Variants in PCDH15 observed in about 807,000 individuals in gnomAD.
The protein encoded by PCDH15 is protocadherin-15.
Under a neutral mutation model 178.5 loss-of-function variants are expected in PCDH15, and 129 were observed. That is an observed-to-expected ratio of 0.72 (90% CI 0.63 to 0.84). PCDH15 has a LOEUF of 0.84. Ranked by LOEUF, PCDH15 falls within the 40% of genes least tolerant of loss-of-function variation. PCDH15 has a pLI of 0.00. For missense variants in PCDH15, 2,230 were observed against 2,099.9 expected (o/e 1.06, Z -1.21); for synonymous variants, 800 against 732.0 (o/e 1.09, Z -1.50).
chr10:54,787,199 T>C (rs536447958), intron 1 of PCDH15, among the ~76,000 whole-genome samples: 2 of 151,916 alleles, frequency 1.3e-5, no homozygotes, highest in Non-Finnish European at 2.9e-5. Context: ...GACAAATATA[T>C]GCTAAAAGCA....
intron 2 of PCDH15, among the ~76,000 whole-genome samples, chr10:54,584,167 G>C (rs2091278550): frequency 6.6e-6 from 1 of 151,986 alleles, no homozygotes; most frequent in South Asian, 2.1e-4. Context: ...AGAATGACTT[G>C]AGCTCAGGAA....
chr10:55,097,441 T>G (rs1842472065), intron 2 of PCDH15, among the ~76,000 whole-genome samples: 3 of 152,130 alleles, frequency 2.0e-5, no homozygotes, highest in Non-Finnish European at 1.5e-5. Flanking sequence ...ACCATTAAAC[T>G]GTAAACTCAA....
chr10:54,654,553 G>A (rs959992028), intron 2 of PCDH15, among the ~76,000 whole-genome samples: 3 of 152,156 alleles, frequency 2.0e-5, no homozygotes, highest in Admixed American at 2.0e-4. Flanking sequence ...ATAGTTACAA[G>A]AAAAACCAAA....
At chr10:54,704,657 T>C (rs920110417) in intron 1 of PCDH15, among the ~76,000 whole-genome samples, 3 of 152,104 alleles carry the variant, frequency 2.0e-5, no homozygotes, top group African/African-American at 7.2e-5. Context: ...GAATGGTTAT[T>C]ATTAAAAAGT....
chr10:54,842,037 T>A (rs79720075), intron 3 of PCDH15, among the ~76,000 whole-genome samples: 2,047 of 151,916 alleles, frequency 0.013, 47 homozygotes, highest in African/African-American at 0.046. Flanking sequence ...ATAAATCACA[T>A]CATAGGAAAT....
chr10:55,069,395 T>C (rs1349201994), intron 2 of PCDH15, among the ~76,000 whole-genome samples: 1 of 148,220 alleles, frequency 6.7e-6, no homozygotes, highest in African/African-American at 2.5e-5. Context: ...TCATTTAGCA[T>C]TAGGTGTATC....
Position 54,023,039 on chromosome 10 carries a change from A to C in PCDH15, c.2379T>G (p.Asp793Glu). The C allele has an allele frequency of 6.2e-7, 1 of 1,613,954 alleles. No homozygotes were observed. Among genetic ancestry groups the C allele is most frequent in the Non-Finnish European group, 8.5e-7 (1 of 1,179,904 alleles). The change falls in exon 19 of 38, where the codon GAT becomes GAG. Residue 793 changes from aspartate to glutamate, a missense_variant. Transcript: ENST00000644397. ...TTGAATGACGAGGGTGTACTGCTCC[A>C]TCTGTTGCCACAACAACAAGTTCAT... ...DYYELVVVATDGAVHPRHSTL... is the reference protein window; with the variant it reads ...DYYELVVVATEGAVHPRHSTL...
chr10:55,549,177 T>C (rs1841954383), intron 2 of PCDH15, among the ~76,000 whole-genome samples: 1 of 151,824 alleles, frequency 6.6e-6, no homozygotes. Flanking sequence ...TGTTTGTTTT[T>C]TCCCCCCCAG....
chr10:54,400,647 G>A (rs758382438), intron 3 of PCDH15, among the ~76,000 whole-genome samples: 2 of 152,014 alleles, frequency 1.3e-5, no homozygotes, highest in Non-Finnish European at 2.9e-5. Flanking sequence ...GACAATAGGA[G>A]CCTGATACAA....
chr10:55,124,621 C>T (rs1837852224), intron 2 of PCDH15, among the ~76,000 whole-genome samples: 1 of 152,048 alleles, frequency 6.6e-6, no homozygotes, highest in Non-Finnish European at 1.5e-5. Context: ...TTACTTTATT[C>T]TCTGTCAGTG....
intron 8 of PCDH15, among the ~76,000 whole-genome samples, chr10:54,252,538 T>A (rs1012582642): frequency 6.6e-6 from 1 of 152,196 alleles, no homozygotes; most frequent in Admixed American, 6.5e-5. Context: ...AACTCTCACA[T>A]TCTTAGTTCA....
intron 2 of PCDH15, among the ~76,000 whole-genome samples, chr10:55,014,030 AAC>A (rs1424952705): frequency 6.6e-6 from 1 of 152,100 alleles, no homozygotes; most frequent in Non-Finnish European, 1.5e-5. Flanking sequence ...AAATATACTG[AAC>A]AGTTACTTTA....
chr10:55,527,180 T>A (rs148521797), intron 2 of PCDH15, among the ~76,000 whole-genome samples: 2 of 152,190 alleles, frequency 1.3e-5, no homozygotes, highest in Admixed American at 6.6e-5. Flanking sequence ...TGTATATTCG[T>A]TTCTTATGAC....
At chr10:55,422,483 A>G (rs1233182940) in intron 2 of PCDH15, among the ~76,000 whole-genome samples, 2 of 151,858 alleles carry the variant, frequency 1.3e-5, no homozygotes, top group East Asian at 3.9e-4. Flanking sequence ...AAGGATGACA[A>G]AGTAGGCAAG....
intron 20 of PCDH15, among the ~76,000 whole-genome samples, chr10:54,000,942 G>A (rs376126302): frequency 2.8e-4 from 43 of 152,216 alleles, no homozygotes; most frequent in African/African-American, 9.9e-4. Flanking sequence ...AAAGGAGTAA[G>A]AGAAAAGAAA....
At chr10:54,753,333 A>C (rs1235049005) in intron 1 of PCDH15, among the ~76,000 whole-genome samples, 1 of 151,958 alleles carries the variant, frequency 6.6e-6, no homozygotes, top group African/African-American at 2.4e-5. Context: ...ACAGGCGCAT[A>C]CACCATGCCC....
rs577265436 is a variant in PCDH15, at chr10:55,403,961, G to C, written c.-156+223664C>G. Among the ~76,000 whole-genome samples, 4 of 152,108 alleles carry C rather than the reference G, an allele frequency of 2.6e-5. No homozygotes were observed. In the South Asian group the frequency reaches 8.3e-4, roughly 32 times the overall value. ...ACAACAATCACTTTTTTCAGGTTGT[G>C]TCTGAAAACAGAAGTTTAAATGGAT... On this transcript the variant is annotated intron_variant, in intron 2 of 5. Coordinates refer to the PCDH15 transcript ENST00000613346.
intron 2 of PCDH15, among the ~76,000 whole-genome samples, chr10:55,161,605 A>C (rs1839069187): frequency 6.6e-6 from 1 of 152,148 alleles, no homozygotes; most frequent in South Asian, 2.1e-4. Context: ...TGTTATTAGG[A>C]AGGTTATAAA....
At chr10:55,341,618 G>A (rs1207531102) in intron 2 of PCDH15, among the ~76,000 whole-genome samples, 3 of 146,282 alleles carry the variant, frequency 2.1e-5, no homozygotes, top group African/African-American at 7.5e-5. Context: ...TCGCCTGACT[G>A]GAGTGCACTG....
Sources: gnomAD v4.1 joint callset for allele counts (sites outside exome capture counted in the v4.1 genomes callset) on GRCh38, gnomAD v4.1.1 for gene constraint, MANE v1.5 for transcripts, NCBI Gene and HGNC (gene_info 2026-07-23, HGNC 2026-07-21) for gene names.